HDLBP: variants seen among roughly 807,000 people sequenced by gnomAD.
HDLBP encodes vigilin.
Under a neutral mutation model 137.3 loss-of-function variants are expected in HDLBP, and 30 were observed. The observed-to-expected ratio is 0.22, with a 90% CI of 0.16 to 0.30. HDLBP has a LOEUF of 0.30. Ranked by LOEUF, HDLBP falls within the 10% of genes least tolerant of loss-of-function variation. HDLBP has a pLI of 1.00. For missense variants in HDLBP, 1,119 were observed against 1,667.3 expected (o/e 0.67, Z 5.73); for synonymous variants, 606 against 596.0 (o/e 1.02, Z -0.24).
At chr2:241,280,582 T>G (rs1166078715) in intron 1 of HDLBP, among the ~76,000 whole-genome samples, 1 of 152,216 alleles carries the variant, frequency 6.6e-6, no homozygotes, top group African/African-American at 2.4e-5. Context: ...GATTCACGTA[T>G]TTCTAGGTAA....
In HDLBP at chr2:241,228,856, A is replaced by G. The variant is rs1030901774; in HGVS notation, c.*745T>C. 3 of 152,852 alleles carry G rather than the reference A, an allele frequency of 2.0e-5. No homozygotes were observed. The highest frequency in any genetic ancestry group is 4.8e-5 in the African/African-American group (2 of 41,442). 9.5% of individuals were successfully genotyped at this position (152,852 alleles called of 1,614,324 possible). Reference sequence around the variant, plus strand: ...TGTGCGCATCTCAATCACAGCAGACACTGTGACGGCCACAGGGGACCCAGA... The same window carrying G: ...TGTGCGCATCTCAATCACAGCAGACGCTGTGACGGCCACAGGGGACCCAGA... On this transcript the variant is annotated 3_prime_UTR_variant, in exon 28 of 28. Coordinates refer to ENST00000310931, the MANE Select transcript of HDLBP (RefSeq NM_005336.6).
chr2:241,235,562 C>A lies in HDLBP; in HGVS notation c.2937G>T (p.Val979=). ...TAACGTAACGGTGAAGGTCAAAGGG[C>A]ACCTCTACTTCAATGGTGACAGGAA... ...ALVPVTIEVE[V]PFDLHRYVIG... The change falls in exon 22 of 28, where the codon GTG becomes GTT. Residue 979 remains valine (V), a synonymous_variant. Transcript: ENST00000310931. 3.1e-6 allele frequency: 5 copies of A among 1,614,126 alleles called. No homozygotes were observed. The highest frequency in any genetic ancestry group is 4.2e-6 in the Non-Finnish European group (5 of 1,180,020).
At chr2:241,267,692 G>GTGGT in intron 2 of HDLBP, 3 of 1,535,366 alleles carry the variant, frequency 2.0e-6, no homozygotes, top group Middle Eastern at 3.3e-4. Flanking sequence ...ACTTAACCAG[G>GTGGT]TGGTTATAAG....
chr2:241,267,435 C>T (rs1429906506), intron 2 of HDLBP: 1 of 734,384 alleles, frequency 1.4e-6, no homozygotes, highest in African/African-American at 1.7e-5. Context: ...CACAGAGACA[C>T]AGTCAACACC....
At chr2:241,276,858 T>C (rs556544620) in intron 1 of HDLBP, among the ~76,000 whole-genome samples, 15 of 152,072 alleles carry the variant, frequency 9.9e-5, no homozygotes, top group Non-Finnish European at 1.8e-4. Flanking sequence ...GACCCAACTC[T>C]CTTGGTAACA....
At chr2:241,229,763 C>G (rs1217532885) in intron 27 of HDLBP, 70 bp downstream of exon 27, 3 of 1,602,958 alleles carry the variant, frequency 1.9e-6, no homozygotes, top group Non-Finnish European at 2.6e-6. Flanking sequence ...AGTTGCCACC[C>G]TCAGGACACC....
Position 241,228,246 on chromosome 2 carries a change from A to AGAT in HDLBP, c.*1352_*1354dup, listed in dbSNP as rs1480077860. 1 of 152,330 alleles carries AGAT rather than the reference A, an allele frequency of 6.6e-6. No individual in the cohort carries two copies. The highest frequency in any genetic ancestry group is 1.5e-5 in the Non-Finnish European group (1 of 68,110). 9.4% of individuals were successfully genotyped at this position (152,330 alleles called of 1,614,324 possible). A position where few individuals can be genotyped will look rare whatever the true frequency, so the allele number is the denominator to read the frequency against. ...GCTCAGTCACCTCCGTGGCGGACAC[A>AGAT]GATAAGGATGTTAAGACCAGAAAAC... On this transcript the variant is annotated 3_prime_UTR_variant, in exon 28 of 28. Coordinates refer to ENST00000310931, the MANE Select transcript of HDLBP (RefSeq NM_005336.6).
At chr2:241,307,812 C>T (rs1333164598) in intron 1 of HDLBP, among the ~76,000 whole-genome samples, 6 of 152,058 alleles carry the variant, frequency 3.9e-5, no homozygotes, top group Non-Finnish European at 8.8e-5. Context: ...TTGTTAACAA[C>T]TACATGTTGA....
At chr2:241,249,606 C>A (rs1319769668) in intron 12 of HDLBP, among the ~76,000 whole-genome samples, 2 of 152,252 alleles carry the variant, frequency 1.3e-5, no homozygotes, top group Non-Finnish European at 2.9e-5. Context: ...AAGACGCTGC[C>A]ACACAGTCTC....
intron 1 of HDLBP, among the ~76,000 whole-genome samples, chr2:241,275,168 G>T (rs1469020327): frequency 6.7e-6 from 1 of 149,534 alleles, no homozygotes; most frequent in African/African-American, 2.6e-5. Flanking sequence ...TAACAAAACA[G>T]AAAGCAATTC....
chr2:241,282,299 T>C (rs758785874), intron 1 of HDLBP, among the ~76,000 whole-genome samples: 37 of 152,202 alleles, frequency 2.4e-4, no homozygotes, highest in Admixed American at 1.0e-3. Context: ...TAGAATAAGA[T>C]TCTACATTTC....
At position 241,240,001 on chromosome 2, in the gene HDLBP, G is replaced by A. The variant is rs11555548; in HGVS notation, c.2291C>T (p.Pro764Leu). ...RDSTGARVIF[P>L]AAEDKDQDLI... ...GTCCTGGTCCTTGTCCTCAGCCGCAGGGAAGATGACACGTGCTCCAGTGCT... is the reference window on the plus strand; with the variant it reads ...GTCCTGGTCCTTGTCCTCAGCCGCAAGGAAGATGACACGTGCTCCAGTGCT... Residue 764 changes from proline (P) to leucine (L), a missense_variant, in exon 18 of 28, where the codon CCT becomes CTT. Transcript: ENST00000310931. The surrounding 1 kb of genome is among the most constrained non-coding windows in gnomAD (Gnocchi z 5.5). The A allele has an allele frequency of 6.2e-7, 1 of 1,614,224 alleles. No individual in the cohort carries two copies. The highest frequency in any genetic ancestry group is 8.5e-7 in the Non-Finnish European group (1 of 1,180,028).
At chr2:241,266,648 A>G in intron 3 of HDLBP, 146 bp downstream of exon 3, 1 of 642,618 alleles carries the variant, frequency 1.6e-6, no homozygotes, top group Non-Finnish European at 2.8e-6. Context: ...AGCAATGCGA[A>G]AACAGTGCAC....
chr2:241,276,374 C>T (rs902133022), intron 1 of HDLBP, among the ~76,000 whole-genome samples: 29 of 151,870 alleles, frequency 1.9e-4, no homozygotes, highest in African/African-American at 6.3e-4. Flanking sequence ...TTACTGGTTA[C>T]ATTATACTGT....
Position 241,242,495 on chromosome 2 carries a change from C to T in HDLBP, c.2134G>A (p.Ala712Thr). ...GCCAGATGCAGGAGCTGCTTCTTGG[C>T]CTTCTCCACATCCGAGGAAGGGCCC... is the stretch of plus-strand genomic sequence containing the variant. ...IRGPSSDVEK[A>T]KKQLLHLAEE... The change falls in exon 17 of 28, where the codon GCC (alanine) becomes ACC (threonine). Residue 712 changes from alanine (A) to threonine (T), a missense_variant. Coordinates refer to ENST00000310931, the MANE Select transcript of HDLBP (RefSeq NM_005336.6). 1 of 1,614,210 alleles carries T rather than the reference C, an allele frequency of 6.2e-7. No homozygotes were observed. Among genetic ancestry groups the T allele is most frequent in the Non-Finnish European group, 8.5e-7 (1 of 1,180,036 alleles).
intron 5 of HDLBP, among the ~76,000 whole-genome samples, chr2:241,261,415 G>A (rs1281414949): frequency 6.6e-6 from 1 of 152,142 alleles, no homozygotes. Flanking sequence ...ACATGAGTTA[G>A]GAGCACAATG....
intron 1 of HDLBP, among the ~76,000 whole-genome samples, chr2:241,273,967 G>A (rs913456850): frequency 7.2e-5 from 11 of 152,054 alleles, no homozygotes; most frequent in African/African-American, 2.7e-4. Flanking sequence ...TGGGCATAAT[G>A]GAGGAAATAA....
chr2:241,264,692 G>C, intron 3 of HDLBP, 87 bp from the exon 4 acceptor site: 1 of 1,275,232 alleles, frequency 7.8e-7, no homozygotes, highest in Non-Finnish European at 1.1e-6. Flanking sequence ...CTTAAAAACA[G>C]ACAAACAAGA....
chr2:241,235,741 A>C, intron 21 of HDLBP, 147 bp from the exon 22 acceptor site: 1 of 599,604 alleles, frequency 1.7e-6, no homozygotes. Flanking sequence ...CAGGACCTTT[A>C]ACTCAATAGA....
Sources: gnomAD v4.1 joint callset for allele counts (sites outside exome capture counted in the v4.1 genomes callset) on GRCh38, gnomAD v4.1.1 for gene constraint, Gnocchi (gnomAD v3.1) non-coding constraint, MANE v1.5 for transcripts, NCBI Gene and HGNC (gene_info 2026-07-23, HGNC 2026-07-21) for gene names.